The following NAT10 variants were observed in gnomAD, a reference collection of about 807,000 sequenced individuals.
NAT10 encodes the protein N-acetyltransferase 10, also known as RNA cytidine acetyltransferase.
Under a neutral mutation model 132.2 loss-of-function variants are expected in NAT10, and 109 were observed. That is an observed-to-expected ratio of 0.82 (90% CI 0.71 to 0.97). The LOEUF (loss-of-function observed/expected upper bound fraction) is 0.97, where lower values mean the gene tolerates loss of function less well. NAT10 is among the 50% of genes least tolerant of loss of function. The pLI is 0.00. For missense variants in NAT10, 1,184 were observed against 1,263.4 expected (o/e 0.94, Z 0.95); for synonymous variants, 479 against 478.0 (o/e 1.00, Z -0.03).
Position 34,140,423 on chromosome 11 carries a change from G to A in NAT10, c.2443G>A (p.Ala815Thr), listed in dbSNP as rs755795306. Residue 815 changes from alanine (A) to threonine (T), a missense_variant, in exon 24 of 29, where the codon GCA becomes ACA. Transcript: ENST00000257829. ...AGCCCTGAGCCGGGAGGAGCTGGAA[G>A]CACTCTTCCTCCCCTATGACCTGAA... ...QPALSREELE[A>T]LFLPYDLKRL... The A allele has an allele frequency of 3.1e-5, 50 of 1,613,762 alleles. No homozygotes were observed. Among genetic ancestry groups the A allele is most frequent in the Non-Finnish European group, 3.2e-5 (38 of 1,179,776 alleles).
intron 4 of NAT10, 112 bp downstream of exon 4, chr11:34,112,335 C>T (rs561239217): frequency 1.6e-6 from 2 of 1,264,646 alleles, no homozygotes; most frequent in Admixed American, 4.4e-5. Context: ...GTCCCATGTT[C>T]CCTATGCCCA....
intron 8 of NAT10, 48 bp downstream of exon 8, chr11:34,118,551 C>A: frequency 6.7e-7 from 1 of 1,501,836 alleles, no homozygotes. Context: ...TAAAACATAG[C>A]ATACGGAGCG....
intron 19 of NAT10, among the ~76,000 whole-genome samples, chr11:34,135,955 C>T (rs1017195935): frequency 1.3e-5 from 2 of 151,968 alleles, no homozygotes; most frequent in Non-Finnish European, 2.9e-5. Context: ...GAGCCAGACC[C>T]TGTCTCAAGC....
At chr11:34,140,945 T>C in intron 24 of NAT10, 144 bp from the exon 25 acceptor site, 2 of 1,135,436 alleles carry the variant, frequency 1.8e-6, no homozygotes, top group South Asian at 1.5e-5. Context: ...AGTAACAGGA[T>C]GAAAGAGAAG....
chr11:34,145,966 C>T (rs73500479), intron 28 of NAT10, 118 bp from the exon 29 acceptor site: 3 of 677,470 alleles, frequency 4.4e-6, no homozygotes, highest in Non-Finnish European at 7.4e-6. Flanking sequence ...AATTGGGTGG[C>T]CTACATCAAG....
intron 19 of NAT10, 135 bp downstream of exon 19, chr11:34,135,426 G>A: frequency 1.5e-6 from 1 of 680,222 alleles, no homozygotes; most frequent in Non-Finnish European, 2.6e-6. Context: ...TTCTCCTACC[G>A]AACACTTTAG....
intron 21 of NAT10, 139 bp from the exon 22 acceptor site, chr11:34,139,050 GGC>G: frequency 5.8e-6 from 4 of 686,002 alleles, no homozygotes; most frequent in Non-Finnish European, 1.0e-5. Context: ...GTTTGAGAAG[GGC>G]GCCTACCCCC....
At chr11:34,111,021 T>C (rs928087742) in intron 3 of NAT10, among the ~76,000 whole-genome samples, 7 of 152,386 alleles carry the variant, frequency 4.6e-5, no homozygotes, top group African/African-American at 1.7e-4. Flanking sequence ...GCCTGTTGTC[T>C]ATCCCAGAAT....
chr11:34,132,903 T>G (rs1350499937), intron 15 of NAT10, 123 bp from the exon 16 acceptor site: 1 of 759,730 alleles, frequency 1.3e-6, no homozygotes, highest in Non-Finnish European at 2.3e-6. Flanking sequence ...TTGCTGGACT[T>G]CTGCTCCTCA....
Position 34,131,735 on chromosome 11 carries a change from G to A in NAT10, c.1520+204G>A, listed in dbSNP as rs186634177. On this transcript the variant is annotated intron_variant, in intron 14 of 28. Transcript: ENST00000257829. The stretch of plus-strand genomic sequence containing the variant: ...GGAGTCTCGCTCTGTCACCAGGCTA[G>A]AGTGCAGTGGCACAATCTCAGCTCA... 6.4e-3 allele frequency among the ~76,000 whole-genome samples: 896 copies of A among 140,704 alleles called. 12 individuals carry two copies. The highest frequency in any genetic ancestry group is 0.023 in the African/African-American group (851 of 37,176). 92.3% of individuals were successfully genotyped at this position (140,704 alleles called of 152,430 possible). A position where few individuals can be genotyped will look rare whatever the true frequency, so the allele number is the denominator to read the frequency against.
intron 14 of NAT10, among the ~76,000 whole-genome samples, chr11:34,131,839 C>T (rs1852111738): frequency 1.3e-5 from 2 of 151,996 alleles, no homozygotes; most frequent in South Asian, 4.2e-4. Flanking sequence ...GTGCCAGCCA[C>T]CACGTCTGGC....
chr11:34,117,555 A>G (rs973468935), intron 6 of NAT10, among the ~76,000 whole-genome samples: 2 of 152,188 alleles, frequency 1.3e-5, no homozygotes, highest in African/African-American at 4.8e-5. Flanking sequence ...TCTGTGATGC[A>G]CTAAGTCAGT....
At chr11:34,139,940 G>A (rs1446830509) in intron 23 of NAT10, among the ~76,000 whole-genome samples, 1 of 152,162 alleles carries the variant, frequency 6.6e-6, no homozygotes, top group Non-Finnish European at 1.5e-5. Flanking sequence ...TAGTTTTATT[G>A]CATATTTTAT....
chr11:34,140,573 G>A lies in NAT10; in HGVS notation c.2592+1G>A, dbSNP rs753491398. The A allele has an allele frequency of 2.5e-6, 4 of 1,612,892 alleles. No homozygotes were observed. Among genetic ancestry groups the A allele is most frequent in the South Asian group, 1.1e-5 (1 of 91,052 alleles). On this transcript the variant is annotated splice_donor_variant, in intron 24 of 28. Transcript: ENST00000257829. LOFTEE classifies it high-confidence loss of function. ...CCTGGCCCTGTCTGCGGCTCAGTCG[G>A]TATGCTATCTGTTGCTTGCGTGGAG...
chr11:34,117,672 A>AT (rs1245599885), intron 6 of NAT10, among the ~76,000 whole-genome samples: 2 of 152,064 alleles, frequency 1.3e-5, no homozygotes, highest in African/African-American at 2.4e-5. Flanking sequence ...AGTCAAACGC[A>AT]TTTTTTTCCC....
At position 34,135,205 on chromosome 11, in the gene NAT10, C is replaced by T. The variant is rs1852186796; in HGVS notation, c.1942C>T (p.Leu648=). The change falls in exon 19 of 29, where the codon CTG becomes TTG. Residue 648 remains leucine (L), a synonymous_variant. Transcript: ENST00000257829. ...CTATGGCAGCCGTGCTCTGCAGCTG[C>T]TGCAGATGTACTATGAAGGCAGGTT... ...MGYGSRALQL[L]QMYYEGRFPC... 9 of 1,614,198 alleles carry T rather than the reference C, an allele frequency of 5.6e-6. No homozygotes were observed. In the Admixed American group the frequency reaches 6.7e-5, roughly 12 times the overall value.
intron 11 of NAT10, among the ~76,000 whole-genome samples, chr11:34,126,100 A>G (rs913553123): frequency 6.6e-6 from 1 of 152,242 alleles, no homozygotes; most frequent in African/African-American, 2.4e-5. Flanking sequence ...GCAGAGACCA[A>G]TATAACATTC....
At chr11:34,128,346 T>C (rs532965055) in intron 12 of NAT10, among the ~76,000 whole-genome samples, 30 of 147,234 alleles carry the variant, frequency 2.0e-4, no homozygotes, top group African/African-American at 7.1e-4. Flanking sequence ...AGAGCGAGAC[T>C]GTCTCAAAAA....
At chr11:34,139,562 T>C (rs1852284548) in intron 23 of NAT10, 67 bp downstream of exon 23, 2 of 1,410,462 alleles carry the variant, frequency 1.4e-6, no homozygotes, top group African/African-American at 2.8e-5. Flanking sequence ...GGGTGTGGTG[T>C]CCTAGGAAGG....
Sources: gnomAD v4.1 joint callset for allele counts (sites outside exome capture counted in the v4.1 genomes callset) on GRCh38, gnomAD v4.1.1 for gene constraint, MANE v1.5 for transcripts, NCBI Gene and HGNC (gene_info 2026-07-23, HGNC 2026-07-21) for gene names.